Variants in ACTR3C observed in about 807,000 individuals in gnomAD.
The protein encoded by ACTR3C is actin-related protein 3C.
A neutral mutation model predicts 26.3 loss-of-function variants in ACTR3C; 18 were observed. The observed-to-expected ratio is 0.68, with a 90% CI of 0.47 to 1.01. The LOEUF (loss-of-function observed/expected upper bound fraction) is 1.01. ACTR3C is among the 50% of genes least tolerant of loss of function. The pLI, the probability that ACTR3C is intolerant of heterozygous loss-of-function variation, is 0.00. For missense variants in ACTR3C, 184 were observed against 250.7 expected, an observed-to-expected ratio of 0.73 and a Z score of 1.80; for synonymous variants, 55 against 94.5, an observed-to-expected ratio of 0.58 and a Z score of 2.42.
the ACTR3C span, among the ~76,000 whole-genome samples, chr7:149,933,590 A>G: frequency 2.6e-5 from 4 of 152,240 alleles, no homozygotes; most frequent in East Asian, 3.8e-4. Context: ...ATGAGCAAGT[A>G]AAATAATTGA....
chr7:150,211,712 A>G, the ACTR3C span, among the ~76,000 whole-genome samples: 1 of 151,312 alleles, frequency 6.6e-6, no homozygotes, highest in Non-Finnish European at 1.5e-5. Context: ...CTGACACATA[A>G]CAGGTGCCCC....
chr7:150,197,095 C>T, the ACTR3C span, among the ~76,000 whole-genome samples: 1 of 152,152 alleles, frequency 6.6e-6, no homozygotes, highest in South Asian at 2.1e-4. Context: ...TTCATGGACA[C>T]GGGGCAGTAG....
At chr7:150,059,582 G>A in the ACTR3C span, among the ~76,000 whole-genome samples, 3 of 152,208 alleles carry the variant, frequency 2.0e-5, no homozygotes, top group Non-Finnish European at 4.4e-5. Context: ...GAGTCTGAAA[G>A]AGGAGGGTAG....
the ACTR3C span, among the ~76,000 whole-genome samples, chr7:150,084,423 T>TA: frequency 1.3e-5 from 2 of 152,120 alleles, no homozygotes; most frequent in African/African-American, 4.8e-5. Context: ...TTGATAGTGA[T>TA]ACGTGTTGAG....
At chr7:150,203,658 CT>C in the ACTR3C span, among the ~76,000 whole-genome samples, 1 of 152,160 alleles carries the variant, frequency 6.6e-6, no homozygotes, top group Non-Finnish European at 1.5e-5. Flanking sequence ...CTCCACCTCC[CT>C]GGTTCAAGGG....
chr7:150,206,921 A>G, the ACTR3C span, among the ~76,000 whole-genome samples: 214 of 152,272 alleles, frequency 1.4e-3, 1 homozygote, highest in Admixed American at 3.1e-3. Flanking sequence ...GCTCTTTATG[A>G]TTTCTCAGGC....
At chr7:150,065,459 C>T in the ACTR3C span, among the ~76,000 whole-genome samples, 821 of 152,304 alleles carry the variant, frequency 5.4e-3, 8 homozygotes, top group African/African-American at 0.019. Context: ...GGAGCCTTCA[C>T]GCCCTCATGA....
At chr7:150,252,496 G>A (rs1256566707) in intron 6 of ACTR3C, among the ~76,000 whole-genome samples, 1 of 152,182 alleles carries the variant, frequency 6.6e-6, no homozygotes, top group African/African-American at 2.4e-5. Context: ...GCAGGTCAGA[G>A]AAAGGGCTGT....
the ACTR3C span, among the ~76,000 whole-genome samples, chr7:149,961,464 G>A: frequency 5.3e-5 from 8 of 151,130 alleles, no homozygotes; most frequent in African/African-American, 7.3e-5. Flanking sequence ...CGGGAAGCAT[G>A]CTCTCTTAGG....
chr7:150,283,594 T>A (rs913451123), intron 6 of ACTR3C, among the ~76,000 whole-genome samples: 1 of 151,898 alleles, frequency 6.6e-6, no homozygotes, highest in Non-Finnish European at 1.5e-5. Flanking sequence ...ACGCAAACTA[T>A]ATATTTTATA....
chr7:149,889,071 CA>C, the ACTR3C span, among the ~76,000 whole-genome samples: 1 of 151,052 alleles, frequency 6.6e-6, no homozygotes, highest in East Asian at 1.9e-4. Context: ...AAATGAAAAG[CA>C]AACCACAAAC....
At chr7:149,936,313 C>T in the ACTR3C span, among the ~76,000 whole-genome samples, 1 of 152,090 alleles carries the variant, frequency 6.6e-6, no homozygotes, top group Non-Finnish European at 1.5e-5. Context: ...GAATGAGGGC[C>T]AAGCAAGTGA....
chr7:150,303,946 G>A (rs2531018), intron 1 of ACTR3C, among the ~76,000 whole-genome samples: 7,281 of 152,252 alleles, frequency 0.048, 600 homozygotes, highest in African/African-American at 0.17. Flanking sequence ...TGATTTAAAA[G>A]TGAATAATGA....
the ACTR3C span, among the ~76,000 whole-genome samples, chr7:149,925,609 G>A: frequency 6.6e-6 from 1 of 152,058 alleles, no homozygotes; most frequent in Non-Finnish European, 1.5e-5. Flanking sequence ...CCAGTCATTG[G>A]GTTTTTTCCA....
chr7:150,160,747 C>T, the ACTR3C span, among the ~76,000 whole-genome samples: 1 of 151,990 alleles, frequency 6.6e-6, no homozygotes, highest in East Asian at 1.9e-4. Context: ...CTCACACCCA[C>T]TCTACCTCCT....
the ACTR3C span, among the ~76,000 whole-genome samples, chr7:150,213,951 G>A: frequency 1.4e-5 from 2 of 145,594 alleles, no homozygotes; most frequent in African/African-American, 5.2e-5. Context: ...CACTTGGAAA[G>A]TGAAAAGGGA....
the ACTR3C span, among the ~76,000 whole-genome samples, chr7:150,114,109 C>G: frequency 6.6e-6 from 1 of 152,028 alleles, no homozygotes; most frequent in African/African-American, 2.4e-5. Flanking sequence ...TTTGTCTATG[C>G]CTGTAACAAG....
the ACTR3C span, among the ~76,000 whole-genome samples, chr7:149,934,072 G>C: frequency 3.3e-5 from 5 of 151,166 alleles, no homozygotes; most frequent in East Asian, 7.7e-4. Flanking sequence ...CATGCATTCT[G>C]GGTGTCAAGT....
chr7:149,951,441 A>G, the ACTR3C span, among the ~76,000 whole-genome samples: 1 of 147,624 alleles, frequency 6.8e-6, no homozygotes, highest in Non-Finnish European at 1.5e-5. Context: ...GCTGGGCTAT[A>G]TTTCTTTCTT....
Sources: gnomAD v4.1 joint callset for allele counts (sites outside exome capture counted in the v4.1 genomes callset) on GRCh38, gnomAD v4.1.1 for gene constraint, MANE v1.5 for transcripts, NCBI Gene and HGNC (gene_info 2026-07-23, HGNC 2026-07-21) for gene names.